Variants in EPB41L2 observed in about 807,000 individuals in gnomAD.
EPB41L2 encodes the protein band 4.1-like protein 2.
Under a neutral mutation model 113.0 loss-of-function variants are expected in EPB41L2, and 43 were observed. The observed-to-expected ratio is 0.38, with a 90% CI of 0.30 to 0.49. The LOEUF is 0.49. EPB41L2 is among the 20% of genes least tolerant of loss of function. The probability of loss-of-function intolerance (pLI) is 0.95; values close to 1 mark genes in which losing one functional copy is unlikely to be tolerated. For missense variants in EPB41L2, 1,147 were observed against 1,223.4 expected (o/e 0.94, Z 0.93); for synonymous variants, 442 against 436.7 (o/e 1.01, Z -0.15).
chr6:130,905,303 G>A (rs927286262), intron 5 of EPB41L2, among the ~76,000 whole-genome samples: 1 of 152,056 alleles, frequency 6.6e-6, no homozygotes, highest in Non-Finnish European at 1.5e-5. Context: ...ATGGGGGAAA[G>A]GGCAGGTATT....
intron 1 of EPB41L2, among the ~76,000 whole-genome samples, chr6:131,042,774 T>G (rs1400508080): frequency 6.6e-6 from 1 of 152,260 alleles, no homozygotes; most frequent in African/African-American, 2.4e-5. Flanking sequence ...CTGATTTTAC[T>G]GTAAAATGTC....
intron 1 of EPB41L2, among the ~76,000 whole-genome samples, chr6:130,968,097 C>G (rs1049218199): frequency 2.0e-5 from 3 of 149,700 alleles, no homozygotes; most frequent in Non-Finnish European, 4.4e-5. Flanking sequence ...CACTTGGTAT[C>G]CAACAGTAAT....
intron 1 of EPB41L2, among the ~76,000 whole-genome samples, chr6:130,999,843 C>T (rs1768636303): frequency 2.0e-5 from 3 of 152,176 alleles, no homozygotes; most frequent in Non-Finnish European, 2.9e-5. Context: ...ACTGAGCTAA[C>T]TGACTGAAAG....
chr6:130,943,210 C>T (rs182534759), intron 3 of EPB41L2, among the ~76,000 whole-genome samples: 1 of 152,182 alleles, frequency 6.6e-6, no homozygotes, highest in Non-Finnish European at 1.5e-5. Flanking sequence ...CATGCTCCCA[C>T]CAACAGTGTA....
intron 3 of EPB41L2, among the ~76,000 whole-genome samples, chr6:130,942,145 T>C (rs1811100521): frequency 6.6e-6 from 1 of 152,232 alleles, no homozygotes. Context: ...TAAATACTAA[T>C]GATAAATTCT....
intron 4 of EPB41L2, among the ~76,000 whole-genome samples, chr6:130,910,331 G>A (rs181876697): frequency 5.3e-5 from 8 of 152,268 alleles, no homozygotes; most frequent in African/African-American, 1.2e-4. Flanking sequence ...GCCATATGCC[G>A]AAAACTGAAA....
chr6:130,935,269 G>A (rs998527753), intron 3 of EPB41L2, among the ~76,000 whole-genome samples: 1 of 152,110 alleles, frequency 6.6e-6, no homozygotes, highest in African/African-American at 2.4e-5. Flanking sequence ...AAGCACACAG[G>A]TTCACCTTTA....
intron 3 of EPB41L2, among the ~76,000 whole-genome samples, chr6:130,935,460 T>A (rs1056007446): frequency 2.0e-5 from 3 of 152,174 alleles, no homozygotes; most frequent in African/African-American, 7.2e-5. Flanking sequence ...TAACTGAGCA[T>A]ATAATTAATC....
intron 1 of EPB41L2, among the ~76,000 whole-genome samples, chr6:131,020,046 CAT>C (rs1471124323): frequency 1.3e-5 from 2 of 152,010 alleles, no homozygotes; most frequent in African/African-American, 4.8e-5. Context: ...TGGAGGAAAA[CAT>C]ATGTTTCTAT....
chr6:130,859,871 G>A (rs1781478762), intron 18 of EPB41L2, among the ~76,000 whole-genome samples: 1 of 152,166 alleles, frequency 6.6e-6, no homozygotes. Context: ...CCTGTGTTGG[G>A]ACAATAGAGA....
chr6:131,059,923 T>C, intron 1 of EPB41L2, among the ~76,000 whole-genome samples: 1 of 152,106 alleles, frequency 6.6e-6, no homozygotes. Flanking sequence ...ATGGAGGAGG[T>C]AGGCACATTT....
chr6:130,933,315 T>C (rs1001807696), intron 3 of EPB41L2, among the ~76,000 whole-genome samples: 1 of 152,188 alleles, frequency 6.6e-6, no homozygotes, highest in African/African-American at 2.4e-5. Flanking sequence ...TATTAAACAA[T>C]AAAAACCATG....
At chr6:130,952,341 C>T (rs901938361) in intron 3 of EPB41L2, among the ~76,000 whole-genome samples, 4 of 86,338 alleles carry the variant, frequency 4.6e-5, no homozygotes, top group African/African-American at 1.2e-4. Context: ...GGAAACATGT[C>T]TTAAAATGTT....
At chr6:130,883,034 A>T (rs1789820003) in intron 12 of EPB41L2, 1 of 152,670 alleles carries the variant, frequency 6.6e-6, no homozygotes, top group Non-Finnish European at 1.5e-5. Context: ...GTCTAGTGTG[A>T]TCTGGTCAGC....
At chr6:130,965,472 T>C (rs1381448204) in intron 1 of EPB41L2, among the ~76,000 whole-genome samples, 2 of 151,922 alleles carry the variant, frequency 1.3e-5, no homozygotes, top group African/African-American at 4.8e-5. Flanking sequence ...TTTTATTTGG[T>C]CTCTATCTGA....
intron 1 of EPB41L2, among the ~76,000 whole-genome samples, chr6:131,050,785 G>T (rs915119078): frequency 6.6e-6 from 1 of 152,146 alleles, no homozygotes; most frequent in African/African-American, 2.4e-5. Flanking sequence ...ATAGAGATGG[G>T]GTTTCCCCAT....
At chr6:130,895,232 A>G (rs1203623076) in intron 8 of EPB41L2, 113 bp from the exon 9 acceptor site, 17 of 1,273,748 alleles carry the variant, frequency 1.3e-5, no homozygotes, top group Non-Finnish European at 1.8e-5. Flanking sequence ...ACAGGTTTGT[A>G]TTTAAAGTTT....
intron 12 of EPB41L2, 79 bp downstream of exon 12, chr6:130,885,017 T>A (rs890137142): frequency 2.0e-6 from 3 of 1,509,230 alleles, no homozygotes; most frequent in Admixed American, 1.9e-5. Context: ...AATACTTGAT[T>A]TCTGAAACAG....
intron 1 of EPB41L2, among the ~76,000 whole-genome samples, chr6:130,979,169 A>G (rs948631581): frequency 2.6e-5 from 4 of 152,138 alleles, no homozygotes; most frequent in African/African-American, 9.7e-5. Flanking sequence ...TGGCAGCCAC[A>G]TGAGACCAAC....
Sources: allele counts gnomAD v4.1 joint callset (sites outside exome capture counted in the v4.1 genomes callset), GRCh38; gene constraint gnomAD v4.1.1; transcripts MANE v1.5; gene names NCBI Gene and HGNC (gene_info 2026-07-23, HGNC 2026-07-21).